RIF1: variants seen among roughly 807,000 people sequenced by gnomAD.
The protein encoded by RIF1 is replication timing regulatory factor 1.
Under a neutral mutation model 247.1 loss-of-function variants are expected in RIF1, and 45 were observed. The ratio of observed to expected loss-of-function variants is 0.18; its 90% CI spans 0.14 to 0.23. The LOEUF (loss-of-function observed/expected upper bound fraction) is 0.23, where lower values mean the gene tolerates loss of function less well. Ranked by LOEUF, RIF1 falls within the 10% of genes least tolerant of loss-of-function variation. The pLI is 1.00. For synonymous variants in RIF1, 1,087 were observed against 978.8 expected (o/e 1.11, Z -2.06); for missense variants, 2,967 against 2,862.5 (o/e 1.04, Z -0.83).
intron 10 of RIF1, chr2:151,497,557 A>ATTAT (rs2152969722): frequency 3.3e-6 from 5 of 1,528,394 alleles, no homozygotes; most frequent in East Asian, 4.9e-5. Flanking sequence ...ATTAATACGT[A>ATTAT]TTATTTTAAA....
At chr2:151,526,019 G>A in the RIF1 span, 2 of 1,613,876 alleles carry the variant, frequency 1.2e-6, no homozygotes, top group African/African-American at 1.3e-5. Context: ...TGGTAGTGTT[G>A]TGTATGAGCC....
downstream of RIF1, among the ~76,000 whole-genome samples, chr2:151,484,192 T>G (rs1380139850): frequency 6.6e-6 from 1 of 152,228 alleles, no homozygotes; most frequent in Non-Finnish European, 1.5e-5. Flanking sequence ...GTTGAACATT[T>G]TCCAGGCTTT....
chr2:151,499,297 C>A, intron 10 of RIF1: 1 of 1,448,546 alleles, frequency 6.9e-7, no homozygotes, highest in Non-Finnish European at 9.3e-7. Context: ...TTTTTAAATA[C>A]CGAACTAAAG....
chr2:151,429,699 C>G (rs1237150103), intron 9 of RIF1, among the ~76,000 whole-genome samples: 1 of 152,124 alleles, frequency 6.6e-6, no homozygotes, highest in African/African-American at 2.4e-5. Flanking sequence ...TTCAGGATCT[C>G]TAGAAGAGTA....
chr2:151,489,926 C>G lies in RIF1; in HGVS notation c.*416-5303C>G, dbSNP rs369420017. 6 of 1,448,132 alleles carry G rather than the reference C, an allele frequency of 4.1e-6. No homozygotes were observed. The Middle Eastern group carries it at 5.2e-4, about 126-fold the overall frequency. The allele number at this position is 1,448,132 out of a possible 1,614,324, so 89.7% of individuals were successfully genotyped here. ...TACTTATAATCATGTTTGCACATAT[C>G]AAAAATTAAGAATAATTTATTTAAG... On this transcript the variant is annotated intron_variant and NMD_transcript_variant, in intron 9 of 13. Coordinates refer to the RIF1 transcript ENST00000454583.
At chr2:151,505,864 T>C in intron 12 of RIF1, 1 of 532,996 alleles carries the variant, frequency 1.9e-6, no homozygotes, top group Non-Finnish European at 3.3e-6. Flanking sequence ...AGCAGGTCGT[T>C]TGACTAGGAT....
downstream of RIF1, among the ~76,000 whole-genome samples, chr2:151,508,761 GCTCTGAA>G (rs1179714493): frequency 2.0e-5 from 3 of 152,248 alleles, no homozygotes; most frequent in African/African-American, 7.2e-5. Context: ...GCCAAGGACT[GCTCTGAA>G]CCAGACATCA....
At chr2:151,446,080 C>T (rs1259286697) in intron 19 of RIF1, among the ~76,000 whole-genome samples, 1 of 151,902 alleles carries the variant, frequency 6.6e-6, no homozygotes. Context: ...AATCTTGGCT[C>T]ACTGCAACCT....
chr2:151,420,483 A>G (rs990432838), intron 7 of RIF1, 104 bp downstream of exon 7: 3 of 1,096,606 alleles, frequency 2.7e-6, no homozygotes, highest in South Asian at 1.5e-5. Context: ...TCTCACCTGT[A>G]GTCCCAAAGC....
chr2:151,518,847 C>CCT, the RIF1 span: 1 of 667,040 alleles, frequency 1.5e-6, no homozygotes, highest in African/African-American at 1.8e-5. Context: ...CAAATGAGAA[C>CCT]AGTTTTGTAA....
At chr2:151,501,341 T>C (rs2064367016) in intron 11 of RIF1, 1 of 1,240,932 alleles carries the variant, frequency 8.1e-7, no homozygotes, top group East Asian at 2.5e-5. Context: ...TTCTGTTTTG[T>C]AGAAATTATT....
At chr2:151,494,055 T>G in intron 9 of RIF1, 4 of 1,016,434 alleles carry the variant, frequency 3.9e-6, no homozygotes, top group Non-Finnish European at 6.0e-6. Flanking sequence ...GATGCAAATG[T>G]AACTGGCATT....
intron 21 of RIF1, among the ~76,000 whole-genome samples, chr2:151,453,582 A>AT (rs1211011549): frequency 1.0e-5 from 1 of 96,262 alleles, no homozygotes; most frequent in Non-Finnish European, 2.6e-5. Flanking sequence ...TCTGTCTCAA[A>AT]AAAAAAAAAA....
At chr2:151,459,128 G>T (rs937414512) in intron 25 of RIF1, among the ~76,000 whole-genome samples, 1 of 152,022 alleles carries the variant, frequency 6.6e-6, no homozygotes, top group Non-Finnish European at 1.5e-5. Context: ...TTTGAACTCG[G>T]GTACCTCATC....
the RIF1 span, chr2:151,524,274 C>T: frequency 6.5e-7 from 1 of 1,549,468 alleles, no homozygotes; most frequent in South Asian, 1.1e-5. Context: ...TTATAATCTC[C>T]TCACATGAGA....
the RIF1 span, among the ~76,000 whole-genome samples, chr2:151,532,487 C>T: frequency 2.0e-5 from 3 of 152,052 alleles, no homozygotes; most frequent in Non-Finnish European, 4.4e-5. Flanking sequence ...TTTGTTTTTG[C>T]AATTTTCAAG....
chr2:151,467,962 T>A, intron 30 of RIF1, 38 bp from the exon 31 acceptor site: 1 of 1,554,180 alleles, frequency 6.4e-7, no homozygotes, highest in Non-Finnish European at 8.7e-7. Flanking sequence ...TTTAAAAACT[T>A]TAATTTTGTT....
At chr2:151,503,499 G>T in intron 12 of RIF1, 1 of 1,156,136 alleles carries the variant, frequency 8.6e-7, no homozygotes, top group Non-Finnish European at 1.3e-6. Flanking sequence ...CCTTTAGATA[G>T]CAGCCACATG....
chr2:151,500,098 C>T (rs1470312193), intron 11 of RIF1, among the ~76,000 whole-genome samples: 1 of 152,024 alleles, frequency 6.6e-6, no homozygotes, highest in Non-Finnish European at 1.5e-5. Context: ...ATAATAATTA[C>T]AACCCACAGG....
Sources: gnomAD v4.1 joint callset for allele counts (sites outside exome capture counted in the v4.1 genomes callset) on GRCh38, gnomAD v4.1.1 for gene constraint, MANE v1.5 for transcripts, NCBI Gene and HGNC (gene_info 2026-07-23, HGNC 2026-07-21) for gene names.